SRGAP3: variants seen among roughly 807,000 people sequenced by gnomAD.
SRGAP3 encodes SLIT-ROBO Rho GTPase-activating protein 3.
In SRGAP3, 39 loss-of-function variants were observed where a neutral mutation model predicts 121.1. That is an observed-to-expected ratio of 0.32 (90% CI 0.25 to 0.42). The LOEUF (loss-of-function observed/expected upper bound fraction) is 0.42, where lower values mean the gene tolerates loss of function less well. Among genes scored for constraint, SRGAP3 ranks in the 10% least tolerant of loss-of-function variants. SRGAP3 has a pLI of 1.00. For missense variants in SRGAP3, 1,213 were observed against 1,470.6 expected, an observed-to-expected ratio of 0.82 and a Z score of 2.86; for synonymous variants, 601 against 570.0, an observed-to-expected ratio of 1.05 and a Z score of -0.77.
chr3:9,098,650 T>C (rs539368547), intron 3 of SRGAP3, among the ~76,000 whole-genome samples: 2 of 152,348 alleles, frequency 1.3e-5, no homozygotes, highest in South Asian at 4.1e-4. Context: ...CTCACCTTTC[T>C]TGGCATCAGT....
intron 4 of SRGAP3, among the ~76,000 whole-genome samples, chr3:9,066,176 C>T (rs1946422990): frequency 6.6e-6 from 1 of 152,152 alleles, no homozygotes; most frequent in Admixed American, 6.5e-5. Flanking sequence ...CTGGGCTGCT[C>T]CATACCAACA....
chr3:9,002,757 C>T (rs1474954345), intron 18 of SRGAP3, among the ~76,000 whole-genome samples: 1 of 151,892 alleles, frequency 6.6e-6, no homozygotes, highest in Admixed American at 6.6e-5. Context: ...AAAGAGGGGA[C>T]GTTACTACCA....
At chr3:9,309,268 A>T (rs201958174) in intron 3 of SRGAP3, among the ~76,000 whole-genome samples, 1 of 152,206 alleles carries the variant, frequency 6.6e-6, no homozygotes, top group Non-Finnish European at 1.5e-5. Flanking sequence ...AAGAGGAACA[A>T]CAGAGTGTTG....
At chr3:9,278,592 T>C (rs1056381772) in intron 3 of SRGAP3, among the ~76,000 whole-genome samples, 3 of 152,222 alleles carry the variant, frequency 2.0e-5, no homozygotes, top group Non-Finnish European at 2.9e-5. Flanking sequence ...GCTTTGTGTC[T>C]TGTGAAATGT....
intron 2 of SRGAP3, among the ~76,000 whole-genome samples, chr3:9,107,592 G>C (rs1229152084): frequency 6.6e-6 from 1 of 152,212 alleles, no homozygotes; most frequent in Non-Finnish European, 1.5e-5. Flanking sequence ...CTAAGGCAGT[G>C]GTTCTCAGTG....
rs751246923 is a variant in SRGAP3, at chr3:9,015,752, AGAT to A, written c.1679-24_1679-22del. 3.7e-6 allele frequency: 6 copies of A among 1,614,000 alleles called. No individual in the cohort carries two copies. In the East Asian group the frequency reaches 1.3e-4, roughly 36 times the overall value. On this transcript the variant is annotated intron_variant, in intron 14 of 21. Transcript: ENST00000383836. ...TTCACCTGAGTGGAAACAAGAGACGAGATGATATTTCAGCTTGGGAAGGAGTCA... is the reference window on the plus strand; with the variant it reads ...TTCACCTGAGTGGAAACAAGAGACGAGATATTTCAGCTTGGGAAGGAGTCA...
chr3:9,164,712 T>A (rs754950710), intron 1 of SRGAP3, among the ~76,000 whole-genome samples: 1 of 152,186 alleles, frequency 6.6e-6, no homozygotes, highest in African/African-American at 2.4e-5. Context: ...ACACATATCA[T>A]CTTCCTTGCC....
chr3:9,358,725 C>T (rs1042519406), intron 1 of SRGAP3, among the ~76,000 whole-genome samples: 2 of 152,176 alleles, frequency 1.3e-5, no homozygotes, highest in African/African-American at 4.8e-5. Context: ...TCCATGACCC[C>T]CTCTTTGGGT....
At chr3:9,027,152 C>T (rs1294207977) in intron 12 of SRGAP3, among the ~76,000 whole-genome samples, 157 bp from the exon 13 acceptor site, 1 of 152,162 alleles carries the variant, frequency 6.6e-6, no homozygotes, top group African/African-American at 2.4e-5. Context: ...TCTCCACGGA[C>T]AGTTACAATA....
rs1277871515 is a variant in SRGAP3, at chr3:9,218,133, A to G, written c.67+30752T>C. ...CCAGATTTTAAGAGACCCGTTAATA[A>G]TTTGGAAGGTTTATTAGCAGACTGC... On this transcript the variant is annotated intron_variant, in intron 1 of 21. Coordinates refer to ENST00000383836, the MANE Select transcript of SRGAP3 (RefSeq NM_014850.4). The surrounding 1 kb of genome is among the most constrained non-coding windows in gnomAD (Gnocchi z 5.3). 6.6e-6 allele frequency: 1 copy of G among 152,214 alleles called. No individual in the cohort carries two copies. Among genetic ancestry groups the G allele is most frequent in the Non-Finnish European group, 1.5e-5 (1 of 68,050 alleles). 9.4% of individuals were successfully genotyped at this position (152,214 alleles called of 1,614,324 possible).
intron 2 of SRGAP3, among the ~76,000 whole-genome samples, chr3:9,329,825 C>T (rs1032842336): frequency 6.6e-6 from 1 of 152,126 alleles, no homozygotes; most frequent in African/African-American, 2.4e-5. Flanking sequence ...CTGTACATGC[C>T]TAATCCTGTC....
intron 4 of SRGAP3, among the ~76,000 whole-genome samples, chr3:9,066,935 T>C (rs534338499): frequency 6.6e-6 from 1 of 152,342 alleles, no homozygotes; most frequent in East Asian, 1.9e-4. Flanking sequence ...CTGGGCTGAA[T>C]CCTGATGGTC....
rs765408588 is a variant in SRGAP3 at position 9,262,534 on chromosome 3, C to CAAAAAAAAAAAAAAAAAAAA, written n.442+63456_442+63475dup. On this transcript the variant is annotated intron_variant and non_coding_transcript_variant, in intron 3 of 3. Coordinates refer to the SRGAP3 transcript ENST00000490889. ...GAAGATTTACCAAGCAAATGGAAAG[C>CAAAAAAAAAAAAAAAAAAAA]AAAAAAAAAAAAAAAAAAAAAAGCA... 1.2e-3 allele frequency among the ~76,000 whole-genome samples: 31 copies of CAAAAAAAAAAAAAAAAAAAA among 25,556 alleles called. 1 individual carries two copies. Among genetic ancestry groups the CAAAAAAAAAAAAAAAAAAAA allele is most frequent in the Non-Finnish European group, 1.4e-3 (18 of 13,262 alleles). 16.8% of individuals were successfully genotyped at this position (25,556 alleles called of 152,430 possible).
At chr3:9,153,010 A>G (rs1365247207) in intron 1 of SRGAP3, among the ~76,000 whole-genome samples, 1 of 152,148 alleles carries the variant, frequency 6.6e-6, no homozygotes, top group Non-Finnish European at 1.5e-5. Flanking sequence ...GTTGATCCCA[A>G]TCAAACTCTC....
chr3:9,185,131 C>A (rs541387073), intron 1 of SRGAP3, among the ~76,000 whole-genome samples: 2 of 152,356 alleles, frequency 1.3e-5, no homozygotes, highest in African/African-American at 4.8e-5. Flanking sequence ...TCCCAAGGGT[C>A]ATAGGCCCTA....
intron 3 of SRGAP3, among the ~76,000 whole-genome samples, chr3:9,322,547 C>T (rs1400188952): frequency 6.6e-6 from 1 of 151,820 alleles, no homozygotes; most frequent in Non-Finnish European, 1.5e-5. Context: ...TGAGCTCCAC[C>T]TCCTGTTGCA....
chr3:9,268,175 C>A (rs112264333), intron 3 of SRGAP3, among the ~76,000 whole-genome samples: 17 of 152,182 alleles, frequency 1.1e-4, no homozygotes, highest in Admixed American at 2.0e-4. Context: ...GAAGCCATAA[C>A]CCCCAATGTG....
chr3:9,212,770 G>A (rs1434838954), intron 1 of SRGAP3, among the ~76,000 whole-genome samples: 2 of 152,156 alleles, frequency 1.3e-5, no homozygotes, highest in Non-Finnish European at 2.9e-5. Flanking sequence ...GTTCATGAGG[G>A]CAGAACGTGT....
chr3:9,286,635 C>T (rs1338481296), intron 3 of SRGAP3, among the ~76,000 whole-genome samples: 2 of 152,130 alleles, frequency 1.3e-5, no homozygotes, highest in Non-Finnish European at 2.9e-5. Context: ...CGGAGTCTCG[C>T]TCTGTCGCCC....
Sources: allele counts gnomAD v4.1 joint callset (sites outside exome capture counted in the v4.1 genomes callset), GRCh38; gene constraint gnomAD v4.1.1; non-coding constraint Gnocchi (gnomAD v3.1); transcripts MANE v1.5; gene names NCBI Gene and HGNC (gene_info 2026-07-23, HGNC 2026-07-21).